RFTN1: variants seen among roughly 807,000 people sequenced by gnomAD.
RFTN1 encodes raftlin.
A neutral mutation model predicts 46.5 loss-of-function variants in RFTN1; 26 were observed. That is an observed-to-expected ratio of 0.56 (90% CI 0.41 to 0.78). RFTN1 has a LOEUF of 0.78. RFTN1 is among the 30% of genes least tolerant of loss of function. RFTN1 has a pLI of 0.00. For missense variants in RFTN1, 693 were observed against 718.7 expected, an observed-to-expected ratio of 0.96 and a Z score of 0.41; for synonymous variants, 261 against 284.2, an observed-to-expected ratio of 0.92 and a Z score of 0.82.
In RFTN1 at chr3:16,448,461, C is replaced by A. The variant is rs2075771549; in HGVS notation, c.146-14424G>T. Among the ~76,000 whole-genome samples the A allele has an allele frequency of 6.6e-6, 1 of 152,082 alleles. No individual in the cohort carries two copies. Among genetic ancestry groups the A allele is most frequent in the Non-Finnish European group, 1.5e-5 (1 of 68,018 alleles). On this transcript the variant is annotated intron_variant, in intron 2 of 9. Transcript: ENST00000334133. This position sits in a 1 kb window ranked among gnomAD's most constrained non-coding sequence, Gnocchi z 4.1. The stretch of plus-strand genomic sequence containing the variant: ...ATGAGTTGAGGTCACTTCTTTTTCC[C>A]AAAATAAATCCATAACACCAAGGAA...
chr3:16,409,662 C>T (rs541099523), intron 3 of RFTN1, among the ~76,000 whole-genome samples, 179 bp from the exon 4 acceptor site: 1 of 151,606 alleles, frequency 6.6e-6, no homozygotes, highest in African/African-American at 2.4e-5. Context: ...GGATTACAGG[C>T]ACCCACTACC....
In RFTN1 at chr3:16,465,893, C is replaced by G. The variant is rs187477838; in HGVS notation, c.145+27832G>C. On this transcript the variant is annotated intron_variant, in intron 2 of 9. Coordinates refer to ENST00000334133, the MANE Select transcript of RFTN1 (RefSeq NM_015150.2). The surrounding 1 kb of genome is among the most constrained non-coding windows in gnomAD (Gnocchi z 5.1). ...GAGTCATGCCCTTAAAAAAGAAACA[C>G]AAACTCCTCTAAAAGTTGAGAAACA... Among the ~76,000 whole-genome samples, 1 of 152,280 alleles carries G rather than the reference C, an allele frequency of 6.6e-6. No individual in the cohort carries two copies. The highest frequency in any genetic ancestry group is 1.5e-5 in the Non-Finnish European group (1 of 68,024).
In RFTN1 at chr3:16,427,982, C is replaced by T. The variant is rs536347522; in HGVS notation, c.332+5869G>A. ...TCCAGGTTAGAGATGCAAACCAAGA[C>T]CTGTAGACTTACCTGGGCAATTATA... On this transcript the variant is annotated intron_variant, in intron 3 of 9. Transcript: ENST00000334133. The surrounding 1 kb of genome is among the most constrained non-coding windows in gnomAD (Gnocchi z 5.4). Among the ~76,000 whole-genome samples, 21 of 152,098 alleles carry T rather than the reference C, an allele frequency of 1.4e-4. No homozygotes were observed. The highest frequency in any genetic ancestry group is 2.4e-4 in the Non-Finnish European group (16 of 68,018).
Position 16,446,850 on chromosome 3 carries a change from T to G in RFTN1, c.146-12813A>C, listed in dbSNP as rs1400041186. 6.6e-6 allele frequency among the ~76,000 whole-genome samples: 1 copy of G among 152,232 alleles called. No individual in the cohort carries two copies. The highest frequency in any genetic ancestry group is 6.5e-5 in the Admixed American group (1 of 15,278). On this transcript the variant is annotated intron_variant, in intron 2 of 9. Coordinates refer to ENST00000334133, the MANE Select transcript of RFTN1 (RefSeq NM_015150.2). The surrounding 1 kb of genome is among the most constrained non-coding windows in gnomAD (Gnocchi z 4.5). Reference sequence around the variant, plus strand: ...GTTATTATCATCAAGGTCTCGACTCTGTAACAAAATTTCACACTGGTTTAT... The same window carrying G: ...GTTATTATCATCAAGGTCTCGACTCGGTAACAAAATTTCACACTGGTTTAT...
At chr3:16,357,206 T>C (rs1207072196) in intron 7 of RFTN1, among the ~76,000 whole-genome samples, 1 of 151,804 alleles carries the variant, frequency 6.6e-6, no homozygotes, top group Non-Finnish European at 1.5e-5. Context: ...TCCCTTTATA[T>C]CCCAGACACT....
rs1452446672 is a variant in RFTN1 at position 16,480,009 on chromosome 3, G to A, written c.145+13716C>T. Among the ~76,000 whole-genome samples the A allele has an allele frequency of 6.6e-6, 1 of 152,186 alleles. No individual in the cohort carries two copies. The highest frequency in any genetic ancestry group is 2.4e-5 in the African/African-American group (1 of 41,440). On this transcript the variant is annotated intron_variant, in intron 2 of 9. Coordinates refer to ENST00000334133, the MANE Select transcript of RFTN1 (RefSeq NM_015150.2). The surrounding 1 kb of genome is among the most constrained non-coding windows in gnomAD (Gnocchi z 4.3). The stretch of plus-strand genomic sequence containing the variant: ...GACATTAAAAACTCCAGAATTTGGT[G>A]GGATGTTTCAGACGCTGTTTCCTAC...
Position 16,483,927 on chromosome 3 carries a change from T to A in RFTN1, c.145+9798A>T, listed in dbSNP as rs934472256. Among the ~76,000 whole-genome samples the A allele has an allele frequency of 8.5e-5, 13 of 152,336 alleles. No individual in the cohort carries two copies. The highest frequency in any genetic ancestry group is 3.1e-4 in the African/African-American group (13 of 41,574). Reference sequence around the variant, plus strand: ...TGAGGATGGGGCCCAGGACTCTGCATTTTGACAAGCCCTCCAGGCTATTCT... The same window carrying A: ...TGAGGATGGGGCCCAGGACTCTGCAATTTGACAAGCCCTCCAGGCTATTCT... On this transcript the variant is annotated intron_variant, in intron 2 of 9. Transcript: ENST00000334133. This position sits in a 1 kb window ranked among gnomAD's most constrained non-coding sequence, Gnocchi z 4.8.
chr3:16,447,458 A>G lies in RFTN1; in HGVS notation c.146-13421T>C, dbSNP rs1166963478. Among the ~76,000 whole-genome samples, 4 of 152,216 alleles carry G rather than the reference A, an allele frequency of 2.6e-5. No individual in the cohort carries two copies. The highest frequency in any genetic ancestry group is 7.2e-5 in the African/African-American group (3 of 41,460). ...CCAATTTGCATGCAAAATCGACATC[A>G]GCACTCTCTGGTCTATTTTTTGCCT... is the stretch of plus-strand genomic sequence containing the variant. On this transcript the variant is annotated intron_variant, in intron 2 of 9. Transcript: ENST00000334133. The surrounding 1 kb of genome is among the most constrained non-coding windows in gnomAD (Gnocchi z 5.9).
rs2074529384 is a variant in RFTN1, at chr3:16,398,522, C to T, written c.441+10853G>A. On this transcript the variant is annotated intron_variant, in intron 4 of 9. Coordinates refer to ENST00000334133, the MANE Select transcript of RFTN1 (RefSeq NM_015150.2). ...AGGGGCCAGAAGCTGTGGGCTGCCC[C>T]AGCTCATCCACTGCCAGTCTACCTT... Among the ~76,000 whole-genome samples, 5 of 152,280 alleles carry T rather than the reference C, an allele frequency of 3.3e-5. 1 individual carries two copies. The South Asian group carries it at 1.0e-3, about 32-fold the overall frequency.
At chr3:16,493,982 A>G in intron 1 of RFTN1, 105 bp from the exon 2 acceptor site, 1 of 1,248,884 alleles carries the variant, frequency 8.0e-7, no homozygotes, top group Non-Finnish European at 1.1e-6. Flanking sequence ...AATACATGAC[A>G]GACCTCAGCC....
Position 16,428,692 on chromosome 3 carries a change from C to T in RFTN1, c.332+5159G>A, listed in dbSNP as rs1400139835. On this transcript the variant is annotated intron_variant, in intron 3 of 9. Transcript: ENST00000334133. The surrounding 1 kb of genome is among the most constrained non-coding windows in gnomAD (Gnocchi z 4.7). ...CATGATGAAAAACACACCAATGACG[C>T]CCCTAGCTCCATGTGTGTACAACGA... Among the ~76,000 whole-genome samples, 1 of 152,134 alleles carries T rather than the reference C, an allele frequency of 6.6e-6. No individual in the cohort carries two copies. Among genetic ancestry groups the T allele is most frequent in the Non-Finnish European group, 1.5e-5 (1 of 68,016 alleles).
intron 7 of RFTN1, among the ~76,000 whole-genome samples, chr3:16,347,010 A>G (rs1231347712): frequency 6.6e-6 from 1 of 152,224 alleles, no homozygotes; most frequent in Non-Finnish European, 1.5e-5. Context: ...ATTTCCTGCT[A>G]TGAACGGTGG....
chr3:16,499,095 C>T lies in RFTN1; in HGVS notation c.-8-5218G>A, dbSNP rs1472587587. Among the ~76,000 whole-genome samples, 3 of 152,196 alleles carry T rather than the reference C, an allele frequency of 2.0e-5. No individual in the cohort carries two copies. The highest frequency in any genetic ancestry group is 4.4e-5 in the Non-Finnish European group (3 of 68,024). The stretch of plus-strand genomic sequence containing the variant: ...AGACAGAAGACACAGGTGTGCTGCA[C>T]ATTCCCGCACACAGACATTCAGGGA... On this transcript the variant is annotated intron_variant, in intron 1 of 9. Transcript: ENST00000334133. This position sits in a 1 kb window ranked among gnomAD's most constrained non-coding sequence, Gnocchi z 4.9.
Position 16,493,676 on chromosome 3 carries a change from C to A in RFTN1, c.145+49G>T, listed in dbSNP as rs768020667. The stretch of plus-strand genomic sequence containing the variant: ...CTGCACCCCCATCCCCTGCAGGCCC[C>A]TGCTGGAGACCCCACCTGCCCCCAT... On this transcript the variant is annotated intron_variant, in intron 2 of 9. Coordinates refer to ENST00000334133, the MANE Select transcript of RFTN1 (RefSeq NM_015150.2). 32 of 1,525,500 alleles carry A rather than the reference C, an allele frequency of 2.1e-5. No individual in the cohort carries two copies. In the African/African-American group the frequency reaches 3.7e-4, roughly 18 times the overall value. The allele number at this position is 1,525,500 out of a possible 1,614,324, so 94.5% of individuals were successfully genotyped here. A position where few individuals can be genotyped will look rare whatever the true frequency, so the allele number is the denominator to read the frequency against.
chr3:16,503,355 T>C (rs1207712188), intron 1 of RFTN1, among the ~76,000 whole-genome samples: 1 of 152,222 alleles, frequency 6.6e-6, no homozygotes, highest in Non-Finnish European at 1.5e-5. Context: ...TGACTCACAG[T>C]ACAGTTTGAG....
rs1449299265 is a variant in RFTN1 at position 16,403,629 on chromosome 3, TATATA to T, written c.441+5741_441+5745del. 4.8e-5 allele frequency among the ~76,000 whole-genome samples: 2 copies of T among 41,982 alleles called. 1 individual carries two copies. Among genetic ancestry groups the T allele is most frequent in the East Asian group, 1.7e-3 (2 of 1,196 alleles). The allele number at this position is 41,982 out of a possible 152,430, so 27.5% of individuals were successfully genotyped here. ...ATATATATATAATATATATTTTATG[TATATA>T]ATATATAATATATATATAATATATA... On this transcript the variant is annotated intron_variant, in intron 4 of 9. Transcript: ENST00000334133.
intron 3 of RFTN1, among the ~76,000 whole-genome samples, chr3:16,420,896 A>G (rs1185053819): frequency 6.6e-6 from 1 of 152,214 alleles, no homozygotes; most frequent in Non-Finnish European, 1.5e-5. Context: ...GGTAGGCCTG[A>G]GAGTCTGTGT....
Position 16,434,038 on chromosome 3 carries a change from C to T in RFTN1, c.146-1G>A. 6.3e-7 allele frequency: 1 copy of T among 1,588,836 alleles called. No homozygotes were observed. The highest frequency in any genetic ancestry group is 8.5e-7 in the Non-Finnish European group (1 of 1,170,144). ...ACTGCTGAGGACCCAGGGAGCTCCG[C>T]TGGAGTGGAGAGAGGAGAGGCTCAT... On this transcript the variant is annotated splice_acceptor_variant, in intron 2 of 9. Coordinates refer to ENST00000334133, the MANE Select transcript of RFTN1 (RefSeq NM_015150.2). LOFTEE classifies it high-confidence loss of function.
intron 3 of RFTN1, among the ~76,000 whole-genome samples, chr3:16,430,273 G>A (rs2075360285): frequency 6.6e-6 from 1 of 152,092 alleles, no homozygotes; most frequent in South Asian, 2.1e-4. Flanking sequence ...ACTACACCCA[G>A]CTAATTTTTA....
Sources: gnomAD v4.1 joint callset for allele counts (sites outside exome capture counted in the v4.1 genomes callset) on GRCh38, gnomAD v4.1.1 for gene constraint, Gnocchi (gnomAD v3.1) non-coding constraint, MANE v1.5 for transcripts, NCBI Gene and HGNC (gene_info 2026-07-23, HGNC 2026-07-21) for gene names.